ESR2: variants seen among roughly 807,000 people sequenced by gnomAD.
The protein encoded by ESR2 is estrogen receptor beta.
ESR2 carries 36 observed loss-of-function variants against 49.6 expected under a neutral mutation model. That is an observed-to-expected ratio of 0.73 (90% CI 0.56 to 0.96). The LOEUF (loss-of-function observed/expected upper bound fraction) is 0.96, where lower values mean the gene tolerates loss of function less well. ESR2 is among the 40% of genes least tolerant of loss of function. The pLI is 0.00. For missense variants in ESR2, 714 were observed against 693.0 expected (o/e 1.03, Z -0.34); for synonymous variants, 320 against 266.1 (o/e 1.20, Z -1.97).
downstream of ESR2, chr14:64,228,004 C>G (rs1468196499): frequency 1.3e-6 from 2 of 1,536,116 alleles, no homozygotes; most frequent in Non-Finnish European, 1.7e-6. Context: ...GCACTGGATA[C>G]CAGGACTTTT....
At chr14:64,284,462 G>T (rs191200712) in intron 1 of ESR2, among the ~76,000 whole-genome samples, 1 of 151,624 alleles carries the variant, frequency 6.6e-6, no homozygotes, top group African/African-American at 2.4e-5. Context: ...GAGTAGCTGG[G>T]ATTACAGGCA....
chr14:64,239,577 A>G (rs1281749562), intron 7 of ESR2, among the ~76,000 whole-genome samples: 1 of 152,170 alleles, frequency 6.6e-6, no homozygotes. Flanking sequence ...ACCCCCTCTA[A>G]TTCTATCCAA....
intron 3 of ESR2, among the ~76,000 whole-genome samples, chr14:64,274,166 T>C (rs910781472): frequency 7.2e-5 from 11 of 151,904 alleles, no homozygotes; most frequent in African/African-American, 2.2e-4. Context: ...CAGGCTAATC[T>C]TGAACTCCTG....
At chr14:64,227,537 T>C, downstream of ESR2, 3 of 1,614,238 alleles carry the variant, frequency 1.9e-6, no homozygotes, top group East Asian at 2.2e-5. Context: ...AGAGGGTCAC[T>C]GCTCCATCGT....
upstream of ESR2, among the ~76,000 whole-genome samples, chr14:64,298,180 C>G (rs998143801): frequency 6.6e-6 from 1 of 152,088 alleles, no homozygotes; most frequent in Non-Finnish European, 1.5e-5. Flanking sequence ...AAAAACAAAC[C>G]TAATATTTAT....
At chr14:64,332,980 C>T (rs189347006) in intron 1 of ESR2, among the ~76,000 whole-genome samples, 2 of 150,266 alleles carry the variant, frequency 1.3e-5, no homozygotes, top group Admixed American at 6.6e-5. Context: ...GGGTTCACGC[C>T]ATTGTCCTGC....
rs2098727146 is a variant in ESR2, at chr14:64,231,431, C to T, written c.*1706G>A. On this transcript the variant is annotated 3_prime_UTR_variant, in exon 9 of 9. Transcript: ENST00000341099. Reference sequence around the variant, plus strand: ...CTTATCCTGCCTGTACTAAATCTTACTAAAGCTGTAACTGAGTCTCTAAGA... The same window carrying T: ...CTTATCCTGCCTGTACTAAATCTTATTAAAGCTGTAACTGAGTCTCTAAGA... 1 of 152,176 alleles carries T rather than the reference C, an allele frequency of 6.6e-6. No homozygotes were observed. The highest frequency in any genetic ancestry group is 2.4e-5 in the African/African-American group (1 of 41,422). The allele number at this position is 152,176 out of a possible 1,614,324, so 9.4% of individuals were successfully genotyped here. A position where few individuals can be genotyped will look rare whatever the true frequency, so the allele number is the denominator to read the frequency against.
chr14:64,269,488 G>A (rs949960576), intron 3 of ESR2, among the ~76,000 whole-genome samples: 13 of 152,180 alleles, frequency 8.5e-5, no homozygotes, highest in South Asian at 2.1e-4. Context: ...ACTAGAGTGC[G>A]CAGAGAGCAA....
chr14:64,236,439 C>T (rs1207259285), intron 7 of ESR2, among the ~76,000 whole-genome samples: 6 of 152,116 alleles, frequency 3.9e-5, no homozygotes, highest in East Asian at 3.9e-4. Context: ...CCCTTGGCCC[C>T]GTGTGTCCCC....
chr14:64,332,659 G>A (rs2140908683), intron 1 of ESR2, among the ~76,000 whole-genome samples: 1 of 151,648 alleles, frequency 6.6e-6, no homozygotes, highest in South Asian at 2.1e-4. Flanking sequence ...AATTAGCCAG[G>A]TGTGCTGGTG....
At chr14:64,270,094 C>A (rs1010915122) in intron 3 of ESR2, among the ~76,000 whole-genome samples, 2 of 152,140 alleles carry the variant, frequency 1.3e-5, no homozygotes, top group Non-Finnish European at 2.9e-5. Flanking sequence ...TTCTAATAAA[C>A]AATATGGCCT....
At chr14:64,233,509 G>A (rs2140608852) in intron 8 of ESR2, 186 bp from the exon 9 acceptor site, 6 of 583,762 alleles carry the variant, frequency 1.0e-5, no homozygotes, top group East Asian at 5.6e-5. Context: ...GGGCAAGGAC[G>A]ATGTCTTGTC....
intron 6 of ESR2, among the ~76,000 whole-genome samples, chr14:64,254,464 A>G (rs1439390377): frequency 1.3e-5 from 2 of 151,984 alleles, no homozygotes; most frequent in East Asian, 3.9e-4. Context: ...TAGAGACTGT[A>G]GGCTGGGCGT....
At chr14:64,272,848 C>G (rs2076478028) in intron 3 of ESR2, among the ~76,000 whole-genome samples, 1 of 152,058 alleles carries the variant, frequency 6.6e-6, no homozygotes, top group South Asian at 2.1e-4. Flanking sequence ...TTTGGTTATT[C>G]TGGATCTTTT....
intron 7 of ESR2, among the ~76,000 whole-genome samples, chr14:64,239,088 A>T (rs752499872): frequency 6.6e-6 from 1 of 152,196 alleles, no homozygotes; most frequent in African/African-American, 2.4e-5. Context: ...GGGGAGCCGT[A>T]TGTGGCGTTT....
intron 1 of ESR2, among the ~76,000 whole-genome samples, chr14:64,315,127 C>T (rs1187338516): frequency 1.3e-5 from 2 of 150,522 alleles, no homozygotes; most frequent in Non-Finnish European, 3.0e-5. Flanking sequence ...GCCTGTAGTC[C>T]CAGCTACTCG....
At chr14:64,305,670 C>CAATAAATA (rs897233050) in intron 1 of ESR2, among the ~76,000 whole-genome samples, 1 of 151,194 alleles carries the variant, frequency 6.6e-6, no homozygotes, top group African/African-American at 2.4e-5. Context: ...GACTCTGTCT[C>CAATAAATA]AATAAATAAA....
At chr14:64,328,055 A>C (rs1392118867) in intron 1 of ESR2, among the ~76,000 whole-genome samples, 1 of 149,126 alleles carries the variant, frequency 6.7e-6, no homozygotes, top group African/African-American at 2.5e-5. Flanking sequence ...AAAATACAAA[A>C]AAAAAAAAAA....
At chr14:64,309,280 G>A (rs1395414170) in intron 1 of ESR2, among the ~76,000 whole-genome samples, 1 of 152,114 alleles carries the variant, frequency 6.6e-6, no homozygotes, top group Non-Finnish European at 1.5e-5. Flanking sequence ...AGCACACTGT[G>A]GTATAATATT....
Sources: allele counts gnomAD v4.1 joint callset (sites outside exome capture counted in the v4.1 genomes callset), GRCh38; gene constraint gnomAD v4.1.1; transcripts MANE v1.5; gene names NCBI Gene and HGNC (gene_info 2026-07-23, HGNC 2026-07-21).